PCDHA11: variants seen among roughly 807,000 people sequenced by gnomAD.
The protein encoded by PCDHA11 is protocadherin alpha-11.
Under a neutral mutation model 70.3 loss-of-function variants are expected in PCDHA11, and 61 were observed. The observed-to-expected ratio is 0.87, with a 90% CI of 0.71 to 1.07. The LOEUF (loss-of-function observed/expected upper bound fraction) is 1.07, where lower values mean the gene tolerates loss of function less well. Ranked by LOEUF, PCDHA11 falls within the 50% of genes least tolerant of loss-of-function variation. PCDHA11 has a pLI of 0.00. For synonymous variants in PCDHA11, 633 were observed against 555.1 expected (o/e 1.14, Z -1.97); for missense variants, 1,324 against 1,237.5 (o/e 1.07, Z -1.05).
At chr5:140,877,813 GAA>G in intron 1 of PCDHA11, 1 of 1,610,266 alleles carries the variant, frequency 6.2e-7, no homozygotes, top group Non-Finnish European at 8.5e-7. Flanking sequence ...GCTGTCTCGA[GAA>G]GATTGTTTAA....
chr5:140,928,731 C>T, intron 1 of PCDHA11: 2 of 1,614,164 alleles, frequency 1.2e-6, no homozygotes, highest in Non-Finnish European at 1.7e-6. Context: ...GAATTTCAGC[C>T]AATATAGGTG....
In PCDHA11 at chr5:140,972,718, C is replaced by T. The variant is rs921637217; in HGVS notation, c.2392-6231C>T. Among the ~76,000 whole-genome samples the T allele has an allele frequency of 9.2e-5, 13 of 142,004 alleles. No individual in the cohort carries two copies. In the East Asian group the frequency reaches 2.5e-3, roughly 27 times the overall value. The allele number at this position is 142,004 out of a possible 152,430, so 93.2% of individuals were successfully genotyped here. A position where few individuals can be genotyped will look rare whatever the true frequency, so the allele number is the denominator to read the frequency against. Reference sequence around the variant, plus strand: ...CTCACTCTGTTGCCAGGCTGGAGTGCAGTGGCGTAATCCCGGCTCACTGCA... The same window carrying T: ...CTCACTCTGTTGCCAGGCTGGAGTGTAGTGGCGTAATCCCGGCTCACTGCA... On this transcript the variant is annotated intron_variant, in intron 1 of 3. Coordinates refer to ENST00000398640, the MANE Select transcript of PCDHA11 (RefSeq NM_018902.5).
At chr5:140,998,906 AG>A (rs1267220398) in intron 3 of PCDHA11, among the ~76,000 whole-genome samples, 10 of 152,208 alleles carry the variant, frequency 6.6e-5, no homozygotes, top group Non-Finnish European at 1.5e-5. Context: ...TGCCTCCGGG[AG>A]GTAGCTATTA....
At chr5:140,887,130 T>C (rs1164233833) in intron 1 of PCDHA11, among the ~76,000 whole-genome samples, 1 of 151,716 alleles carries the variant, frequency 6.6e-6, no homozygotes, top group African/African-American at 2.4e-5. Context: ...GGAGTCTCAC[T>C]CTGTCGCCCA....
chr5:141,004,880 G>A (rs940142127), intron 3 of PCDHA11, among the ~76,000 whole-genome samples: 2 of 152,172 alleles, frequency 1.3e-5, no homozygotes, highest in Admixed American at 6.5e-5. Context: ...TCCCTAAAGT[G>A]CTATTGTGTC....
At chr5:140,973,753 G>A (rs935956688) in intron 1 of PCDHA11, among the ~76,000 whole-genome samples, 1 of 152,244 alleles carries the variant, frequency 6.6e-6, no homozygotes, top group Non-Finnish European at 1.5e-5. Flanking sequence ...ACACTCTGCA[G>A]GGACACAGCC....
At chr5:140,947,192 C>G (rs958443362) in intron 1 of PCDHA11, among the ~76,000 whole-genome samples, 27 of 151,038 alleles carry the variant, frequency 1.8e-4, no homozygotes, top group African/African-American at 6.6e-4. Flanking sequence ...GTATACTACA[C>G]AGCCTTAAAA....
intron 1 of PCDHA11, among the ~76,000 whole-genome samples, chr5:140,958,658 A>T (rs1207660771): frequency 6.6e-6 from 1 of 152,174 alleles, no homozygotes; most frequent in African/African-American, 2.4e-5. Flanking sequence ...GAAAGCTATG[A>T]TGAAATTTTA....
intron 1 of PCDHA11, chr5:140,967,797 C>T: frequency 6.2e-7 from 1 of 1,614,184 alleles, no homozygotes; most frequent in East Asian, 2.2e-5. Flanking sequence ...GGTCCAGTGC[C>T]CATGGCAGGT....
At chr5:140,938,507 C>T (rs2092094259) in intron 1 of PCDHA11, among the ~76,000 whole-genome samples, 1 of 151,846 alleles carries the variant, frequency 6.6e-6, no homozygotes, top group Admixed American at 6.6e-5. Flanking sequence ...GAATTTATCA[C>T]ATATTTTCTG....
In PCDHA11 at chr5:140,891,714, A is replaced by T. The variant is rs147881763; in HGVS notation, c.2391+20220A>T. On this transcript the variant is annotated intron_variant, in intron 1 of 3. Transcript: ENST00000398640. ...GCTGTTGTCTGAATTTGTACCCCCA[A>T]ATTCATGTGTTGAAAATTCAATCCC... Among the ~76,000 whole-genome samples the T allele has an allele frequency of 2.6e-5, 4 of 152,262 alleles. No individual in the cohort carries two copies. In the East Asian group the frequency reaches 5.8e-4, roughly 22 times the overall value.
At chr5:140,896,262 T>C (rs2065465092) in intron 1 of PCDHA11, among the ~76,000 whole-genome samples, 2 of 152,258 alleles carry the variant, frequency 1.3e-5, no homozygotes, top group African/African-American at 4.8e-5. Flanking sequence ...TGTACACAGT[T>C]ATGGGATTTG....
chr5:140,876,596 C>T (rs1361945795), intron 1 of PCDHA11: 1 of 1,614,040 alleles, frequency 6.2e-7, no homozygotes, highest in East Asian at 2.2e-5. Flanking sequence ...ATTAGCGTGT[C>T]GGATCGTGAC....
intron 1 of PCDHA11, among the ~76,000 whole-genome samples, chr5:140,907,524 C>T (rs562373233): frequency 2.6e-5 from 4 of 152,314 alleles, no homozygotes; most frequent in Non-Finnish European, 4.4e-5. Flanking sequence ...GAGGACAAAT[C>T]GCTGCCCTTT....
rs781792274 is a variant in PCDHA11, at chr5:140,927,895, G to A, written c.2392-51054G>A. The A allele has an allele frequency of 4.3e-5, 70 of 1,614,074 alleles. No homozygotes were observed. The highest frequency in any genetic ancestry group is 5.3e-5 in the Non-Finnish European group (62 of 1,180,048). On this transcript the variant is annotated intron_variant, in intron 1 of 3. Coordinates refer to ENST00000398640, the MANE Select transcript of PCDHA11 (RefSeq NM_018902.5). ...GCTGGTGGAGGTGACTGACGTGAACGATCATGCCCCCGAACTGGACTTCCT... is the reference window on the plus strand; with the variant it reads ...GCTGGTGGAGGTGACTGACGTGAACAATCATGCCCCCGAACTGGACTTCCT...
intron 1 of PCDHA11, chr5:140,968,530 A>G (rs1554230830): frequency 6.2e-7 from 1 of 1,614,174 alleles, no homozygotes; most frequent in East Asian, 2.2e-5. Context: ...CCAACTCGTC[A>G]GCAGCCTTCG....
At chr5:140,875,207 C>A in intron 1 of PCDHA11, 3 of 660,292 alleles carry the variant, frequency 4.5e-6, no homozygotes, top group Non-Finnish European at 6.7e-6. Flanking sequence ...AGTGGCTAAA[C>A]CGAAAAGAAC....
intron 1 of PCDHA11, among the ~76,000 whole-genome samples, chr5:140,936,969 A>G (rs1391736933): frequency 2.0e-5 from 3 of 152,202 alleles, no homozygotes; most frequent in African/African-American, 7.2e-5. Context: ...ATCTATAAAA[A>G]TATGAAGCTT....
At chr5:140,876,861 C>T (rs2056651575) in intron 1 of PCDHA11, 6 of 1,613,970 alleles carry the variant, frequency 3.7e-6, no homozygotes, top group African/African-American at 1.3e-5. Context: ...ACACAGTGTT[C>T]GTGAAGGAGA....
Sources: gnomAD v4.1 joint callset for allele counts (sites outside exome capture counted in the v4.1 genomes callset) on GRCh38, gnomAD v4.1.1 for gene constraint, MANE v1.5 for transcripts, NCBI Gene and HGNC (gene_info 2026-07-23, HGNC 2026-07-21) for gene names.